LRRC1: variants seen among roughly 807,000 people sequenced by gnomAD.
LRRC1 encodes leucine-rich repeat-containing protein 1.
In LRRC1, 28 loss-of-function variants were observed where a neutral mutation model predicts 69.9. That is an observed-to-expected ratio of 0.40 (90% CI 0.30 to 0.55). The LOEUF (loss-of-function observed/expected upper bound fraction) is 0.55. Ranked by LOEUF, LRRC1 falls within the 20% of genes least tolerant of loss-of-function variation. The pLI is 0.47. For missense variants in LRRC1, 498 were observed against 609.0 expected (o/e 0.82, Z 1.92); for synonymous variants, 236 against 240.2 (o/e 0.98, Z 0.16).
At chr6:53,914,833 T>TCA (rs1440213787) in intron 11 of LRRC1, among the ~76,000 whole-genome samples, 1 of 152,172 alleles carries the variant, frequency 6.6e-6, no homozygotes, top group Non-Finnish European at 1.5e-5. Context: ...GCCATGGCAG[T>TCA]CACAGTACCA....
chr6:53,814,961 G>A (rs1322370503), intron 1 of LRRC1, among the ~76,000 whole-genome samples: 1 of 152,172 alleles, frequency 6.6e-6, no homozygotes, highest in African/African-American at 2.4e-5. Flanking sequence ...CAGGCTCACC[G>A]CCGAGCCTCT....
At chr6:53,886,139 T>C (rs1767468922) in intron 4 of LRRC1, among the ~76,000 whole-genome samples, 2 of 152,338 alleles carry the variant, frequency 1.3e-5, no homozygotes, top group East Asian at 3.9e-4. Flanking sequence ...ATATTCCCAA[T>C]TATTTACAGT....
intron 1 of LRRC1, among the ~76,000 whole-genome samples, chr6:53,831,379 C>T (rs999614881): frequency 6.6e-6 from 1 of 152,084 alleles, no homozygotes; most frequent in Admixed American, 6.6e-5. Flanking sequence ...TTAGTATTTG[C>T]GATATTCTAT....
At chr6:53,896,940 T>A in intron 6 of LRRC1, 48 bp downstream of exon 6, 1 of 1,245,762 alleles carries the variant, frequency 8.0e-7, no homozygotes, top group Non-Finnish European at 1.2e-6. Context: ...TTAGTTATGA[T>A]CACACAGTAT....
chr6:53,901,088 A>G (rs896088822), intron 8 of LRRC1, among the ~76,000 whole-genome samples: 7 of 152,112 alleles, frequency 4.6e-5, no homozygotes, highest in African/African-American at 1.7e-4. Flanking sequence ...AGAATCGTTT[A>G]TGGCATCTGA....
chr6:53,860,092 C>T (rs762856695), intron 2 of LRRC1, among the ~76,000 whole-genome samples: 1 of 152,148 alleles, frequency 6.6e-6, no homozygotes, highest in Non-Finnish European at 1.5e-5. Context: ...ATCCAGTATC[C>T]CACAGTATAT....
At chr6:53,917,287 A>G (rs1768597293) in intron 11 of LRRC1, among the ~76,000 whole-genome samples, 1 of 152,094 alleles carries the variant, frequency 6.6e-6, no homozygotes, top group Admixed American at 6.5e-5. Context: ...CTTGGACACC[A>G]CTGGCAACAC....
At position 53,809,084 on chromosome 6, in the gene LRRC1, G is replaced by A. The variant is rs142834013; in HGVS notation, c.159+13669G>A. On this transcript the variant is annotated intron_variant, in intron 1 of 13. Transcript: ENST00000370888. ...AAAACAGTAGGAAGCTCTCTGAACA[G>A]CAATGAGCATTTGTTTTCTCATAGC... Among the ~76,000 whole-genome samples, 288 of 152,272 alleles carry A rather than the reference G, an allele frequency of 1.9e-3. 3 individuals carry two copies. In the Middle Eastern group the frequency reaches 0.024, roughly 13 times the overall value.
chr6:53,877,967 A>G (rs910066096), intron 2 of LRRC1, among the ~76,000 whole-genome samples: 4 of 152,208 alleles, frequency 2.6e-5, no homozygotes, highest in Non-Finnish European at 5.9e-5. Context: ...TGATAAAGAC[A>G]TACAAAAGAA....
At chr6:53,800,849 A>G (rs1226127547) in intron 1 of LRRC1, among the ~76,000 whole-genome samples, 1 of 152,128 alleles carries the variant, frequency 6.6e-6, no homozygotes, top group Admixed American at 6.5e-5. Flanking sequence ...TATGTTGGCC[A>G]GGCTGGTCTC....
chr6:53,849,451 C>G (rs1363891769), intron 2 of LRRC1, among the ~76,000 whole-genome samples: 2 of 152,184 alleles, frequency 1.3e-5, no homozygotes, highest in Non-Finnish European at 2.9e-5. Context: ...GGTTTCCAGC[C>G]ACAGTGCTCA....
chr6:53,893,178 A>G (rs1581904651), intron 4 of LRRC1, among the ~76,000 whole-genome samples: 1 of 152,350 alleles, frequency 6.6e-6, no homozygotes, highest in Non-Finnish European at 1.5e-5. Flanking sequence ...TGAGGAAATA[A>G]GGCAAGAAAC....
chr6:53,889,357 A>G (rs905427211), intron 4 of LRRC1, among the ~76,000 whole-genome samples: 5 of 152,098 alleles, frequency 3.3e-5, no homozygotes, highest in Admixed American at 2.0e-4. Flanking sequence ...ATTCCTAGCT[A>G]TGTATACTCA....
intron 1 of LRRC1, among the ~76,000 whole-genome samples, chr6:53,809,962 T>C (rs772703079): frequency 2.6e-5 from 4 of 152,232 alleles, no homozygotes; most frequent in Non-Finnish European, 5.9e-5. Flanking sequence ...AAGGGATAGA[T>C]AGAGTCACAG....
chr6:53,883,559 A>G (rs993194614), intron 4 of LRRC1, among the ~76,000 whole-genome samples: 2 of 152,236 alleles, frequency 1.3e-5, no homozygotes, highest in African/African-American at 4.8e-5. Flanking sequence ...AATAGAATCC[A>G]TTGAAGACAA....
chr6:53,859,949 G>A (rs1766442056), intron 2 of LRRC1, among the ~76,000 whole-genome samples: 1 of 152,202 alleles, frequency 6.6e-6, no homozygotes, highest in Non-Finnish European at 1.5e-5. Context: ...CACAACCATA[G>A]CCAATGACCA....
chr6:53,809,125 A>C (rs1299456720), intron 1 of LRRC1, among the ~76,000 whole-genome samples: 1 of 152,182 alleles, frequency 6.6e-6, no homozygotes, highest in Non-Finnish European at 1.5e-5. Flanking sequence ...TCCAACTATA[A>C]GTCTGCTCAT....
intron 11 of LRRC1, among the ~76,000 whole-genome samples, chr6:53,916,674 T>A (rs761815359): frequency 3.3e-5 from 5 of 152,200 alleles, no homozygotes; most frequent in Admixed American, 2.0e-4. Flanking sequence ...TTATATATAT[T>A]TTTAAATATT....
rs1018415979 is a variant in LRRC1 at position 53,900,037 on chromosome 6, T to G, written c.787+146T>G. The stretch of plus-strand genomic sequence containing the variant: ...TCCTTACTGTTTTTTTTTTTTTTTT[T>G]TTTTTTTTTTTTTTTTCTGAGATGG... On this transcript the variant is annotated intron_variant, in intron 8 of 13. Coordinates refer to ENST00000370888, the MANE Select transcript of LRRC1 (RefSeq NM_018214.5). 138 of 676,968 alleles carry G rather than the reference T, an allele frequency of 2.0e-4. 1 individual carries two copies. The highest frequency in any genetic ancestry group is 5.1e-4 in the South Asian group (21 of 40,814). The allele number at this position is 676,968 out of a possible 1,614,324, so 41.9% of individuals were successfully genotyped here. A position where few individuals can be genotyped will look rare whatever the true frequency, so the allele number is the denominator to read the frequency against.
Sources: gnomAD v4.1 joint callset for allele counts (sites outside exome capture counted in the v4.1 genomes callset) on GRCh38, gnomAD v4.1.1 for gene constraint, MANE v1.5 for transcripts, NCBI Gene and HGNC (gene_info 2026-07-23, HGNC 2026-07-21) for gene names.